The following SLC4A10 variants were observed in gnomAD, a reference collection of about 807,000 sequenced individuals.
SLC4A10 encodes the protein sodium-driven chloride bicarbonate exchanger.
In SLC4A10, 42 loss-of-function variants were observed where a neutral mutation model predicts 137.7. That is an observed-to-expected ratio of 0.30 (90% confidence interval 0.24 to 0.39). The LOEUF (loss-of-function observed/expected upper bound fraction) is 0.39, where lower values mean the gene tolerates loss of function less well. SLC4A10 is among the 10% of genes least tolerant of loss of function. The probability of loss-of-function intolerance (pLI) is 1.00; values close to 1 mark genes in which losing one functional copy is unlikely to be tolerated. For synonymous variants in SLC4A10, 474 were observed against 464.1 expected (o/e 1.02, Z -0.27); for missense variants, 925 against 1,355.0 (o/e 0.68, Z 4.98).
intron 2 of SLC4A10, among the ~76,000 whole-genome samples, chr2:161,795,560 T>G (rs568695314): frequency 3.3e-5 from 5 of 152,178 alleles, no homozygotes; most frequent in East Asian, 1.9e-4. Context: ...TTTATTATTA[T>G]TAGTATGTGT....
intron 20 of SLC4A10, among the ~76,000 whole-genome samples, chr2:161,957,554 C>G (rs967498223): frequency 3.3e-5 from 5 of 152,034 alleles, no homozygotes; most frequent in Non-Finnish European, 7.4e-5. Flanking sequence ...ACTTGTGACC[C>G]GAATCCATTA....
chr2:161,949,286 C>T, intron 18 of SLC4A10, 25 bp downstream of exon 18: 2 of 1,434,936 alleles, frequency 1.4e-6, no homozygotes, highest in Non-Finnish European at 9.8e-7. Flanking sequence ...TCTCCCTCTT[C>T]CCATCTCTCT....
chr2:161,872,746 C>A (rs1353809837), intron 7 of SLC4A10, among the ~76,000 whole-genome samples: 1 of 152,184 alleles, frequency 6.6e-6, no homozygotes, highest in African/African-American at 2.4e-5. Context: ...CAGAGTCTCG[C>A]TCTGTCACCC....
intron 15 of SLC4A10, among the ~76,000 whole-genome samples, chr2:161,937,866 AAGG>A (rs879473600): frequency 6.6e-5 from 10 of 152,192 alleles, no homozygotes; most frequent in Non-Finnish European, 1.5e-4. Flanking sequence ...ACCGTACCTT[AAGG>A]AGGAGAAGTA....
chr2:161,683,334 A>C (rs2041065939), intron 1 of SLC4A10, among the ~76,000 whole-genome samples: 1 of 152,226 alleles, frequency 6.6e-6, no homozygotes, highest in Non-Finnish European at 1.5e-5. Flanking sequence ...TTGTTTAATA[A>C]ATGAATATAT....
chr2:161,714,610 T>G (rs1383380534), intron 1 of SLC4A10, among the ~76,000 whole-genome samples: 1 of 151,856 alleles, frequency 6.6e-6, no homozygotes, highest in Non-Finnish European at 1.5e-5. Flanking sequence ...TTCCCCAAAT[T>G]CAATTTAATC....
At chr2:161,653,242 A>G (rs368964684) in intron 1 of SLC4A10, among the ~76,000 whole-genome samples, 2 of 151,904 alleles carry the variant, frequency 1.3e-5, no homozygotes, top group Admixed American at 6.6e-5. Context: ...TCTTTATCCA[A>G]TCTATCATTG....
intron 8 of SLC4A10, among the ~76,000 whole-genome samples, chr2:161,874,228 A>G (rs1010488191): frequency 6.6e-5 from 10 of 152,366 alleles, no homozygotes; most frequent in African/African-American, 2.4e-4. Flanking sequence ...ATGATCTTAA[A>G]AGCAATAATG....
Position 161,788,769 on chromosome 2 carries a change from G to T in SLC4A10, c.131-15680G>T, listed in dbSNP as rs533588253. ...CGTTGCTGGGACACTGCCATTCTGTGTTGGGATGGGGAGACAGGTCCCACC... is the reference window on the plus strand; with the variant it reads ...CGTTGCTGGGACACTGCCATTCTGTTTTGGGATGGGGAGACAGGTCCCACC... On this transcript the variant is annotated intron_variant, in intron 2 of 26. Transcript: ENST00000446997. 4.6e-5 allele frequency among the ~76,000 whole-genome samples: 7 copies of T among 152,276 alleles called. No homozygotes were observed. The South Asian group carries it at 1.4e-3, about 32-fold the overall frequency.
At chr2:161,978,869 A>C (rs1161200652) in intron 26 of SLC4A10, among the ~76,000 whole-genome samples, 1 of 152,208 alleles carries the variant, frequency 6.6e-6, no homozygotes, top group Non-Finnish European at 1.5e-5. Flanking sequence ...CTCAGGACAA[A>C]GTAACATTTT....
chr2:161,639,929 A>G (rs1349917327), intron 1 of SLC4A10, among the ~76,000 whole-genome samples: 1 of 152,216 alleles, frequency 6.6e-6, no homozygotes, highest in Non-Finnish European at 1.5e-5. Context: ...GTAAAATTGC[A>G]GAATACAAAG....
At chr2:161,758,619 T>C (rs2049925161) in intron 1 of SLC4A10, among the ~76,000 whole-genome samples, 1 of 151,998 alleles carries the variant, frequency 6.6e-6, no homozygotes, top group Non-Finnish European at 1.5e-5. Context: ...CTCAGAACTG[T>C]CCTAATTAAT....
At chr2:161,841,553 C>T (rs916657791) in intron 4 of SLC4A10, among the ~76,000 whole-genome samples, 6 of 152,144 alleles carry the variant, frequency 3.9e-5, no homozygotes, top group Admixed American at 3.9e-4. Context: ...TATTCATTGA[C>T]TTTACTCAGT....
At chr2:161,851,095 T>G (rs1421968714) in intron 4 of SLC4A10, among the ~76,000 whole-genome samples, 1 of 152,176 alleles carries the variant, frequency 6.6e-6, no homozygotes, top group African/African-American at 2.4e-5. Context: ...GATTTTGGTT[T>G]TGTAAAATTT....
At chr2:161,717,230 A>C (rs1296274581) in intron 1 of SLC4A10, among the ~76,000 whole-genome samples, 1 of 152,102 alleles carries the variant, frequency 6.6e-6, no homozygotes, top group East Asian at 1.9e-4. Flanking sequence ...GTATGGGATC[A>C]TGTCATGGGC....
intron 1 of SLC4A10, among the ~76,000 whole-genome samples, chr2:161,728,154 A>C (rs904458201): frequency 6.6e-6 from 1 of 152,248 alleles, no homozygotes; most frequent in Non-Finnish European, 1.5e-5. Context: ...CTGTCAACTT[A>C]GATGAATGGA....
chr2:161,708,925 TTTA>T, intron 1 of SLC4A10: 1 of 1,339,272 alleles, frequency 7.5e-7, no homozygotes, highest in Non-Finnish European at 9.9e-7. Flanking sequence ...AATGTAATTG[TTTA>T]TTGTCAGACT....
At chr2:161,825,148 T>C (rs2057930242) in intron 3 of SLC4A10, among the ~76,000 whole-genome samples, 1 of 152,182 alleles carries the variant, frequency 6.6e-6, no homozygotes, top group African/African-American at 2.4e-5. Flanking sequence ...TGGTCAACAG[T>C]AGGCTATTAG....
intron 7 of SLC4A10, 97 bp downstream of exon 7, chr2:161,872,481 T>C: frequency 1.2e-6 from 1 of 866,612 alleles, no homozygotes; most frequent in Non-Finnish European, 1.8e-6. Flanking sequence ...TTGCATGCGC[T>C]TTTTGTTTCT....
Sources: allele counts gnomAD v4.1 joint callset (sites outside exome capture counted in the v4.1 genomes callset), GRCh38; gene constraint gnomAD v4.1.1; transcripts MANE v1.5; gene names NCBI Gene and HGNC (gene_info 2026-07-23, HGNC 2026-07-21).